EYS: variants seen among roughly 807,000 people sequenced by gnomAD.
The protein encoded by EYS is protein eyes shut homolog.
Under a neutral mutation model 282.1 loss-of-function variants are expected in EYS, and 250 were observed. The observed-to-expected ratio is 0.89, with a 90% confidence interval of 0.80 to 0.98. The LOEUF (loss-of-function observed/expected upper bound fraction) is 0.98, where lower values mean the gene tolerates loss of function less well. Ranked by LOEUF, EYS falls within the 50% of genes least tolerant of loss-of-function variation. EYS has a pLI of 0.00. For synonymous variants in EYS, 1,355 were observed against 1,282.9 expected (o/e 1.06, Z -1.20); for missense variants, 4,016 against 3,709.0 (o/e 1.08, Z -2.15).
rs1473988420 is a variant in EYS at position 64,629,802 on chromosome 6, A to C, written c.3444-3557T>G. Among the ~76,000 whole-genome samples, 8 of 152,314 alleles carry C rather than the reference A, an allele frequency of 5.3e-5. No homozygotes were observed. The East Asian group carries it at 1.5e-3, about 29-fold the overall frequency. ...AAAAATAGTAGAGGGTTTTCTATAG[A>C]GAAAATTATCTTCTACAAAGATAAT... On this transcript the variant is annotated intron_variant, in intron 22 of 42. Coordinates refer to ENST00000503581, the MANE Select transcript of EYS (RefSeq NM_001142800.2).
chr6:64,557,236 A>ACC lies in EYS; in HGVS notation c.5644+32986_5644+32987insGG, dbSNP rs1765262920. ...CACACATACACACACACACACACAC[A>ACC]CACACACACACACACATTTTATTAA... On this transcript the variant is annotated intron_variant, in intron 26 of 42. Coordinates refer to ENST00000503581, the MANE Select transcript of EYS (RefSeq NM_001142800.2). 2.0e-5 allele frequency among the ~76,000 whole-genome samples: 3 copies of ACC among 151,312 alleles called. No homozygotes were observed. The South Asian group carries it at 6.3e-4, about 32-fold the overall frequency.
At chr6:64,763,929 C>T (rs1018952492) in intron 22 of EYS, among the ~76,000 whole-genome samples, 3 of 152,202 alleles carry the variant, frequency 2.0e-5, no homozygotes, top group African/African-American at 4.8e-5. Context: ...CTATGTCTCA[C>T]ATCCAGGGCA....
chr6:64,537,165 A>G (rs1379950798), intron 26 of EYS, among the ~76,000 whole-genome samples: 1 of 68,644 alleles, frequency 1.5e-5, no homozygotes, highest in African/African-American at 5.9e-5. Context: ...CCCTCCCCCC[A>G]CCCCACAACA....
intron 13 of EYS, among the ~76,000 whole-genome samples, chr6:65,044,070 G>A (rs1051699471): frequency 1.3e-5 from 2 of 151,520 alleles, no homozygotes; most frequent in Admixed American, 6.6e-5. Context: ...AATAATAAGA[G>A]CCATGCTAAG....
intron 28 of EYS, among the ~76,000 whole-genome samples, chr6:64,404,093 G>C (rs949344394): frequency 6.6e-6 from 1 of 152,056 alleles, no homozygotes. Context: ...TAAATCCCTA[G>C]TCAGATTAGT....
Position 64,657,377 on chromosome 6 carries a change from G to C in EYS, c.3444-31132C>G, listed in dbSNP as rs1768789988. On this transcript the variant is annotated intron_variant, in intron 22 of 42. Transcript: ENST00000503581. ...ACATTTAGGCTTAATATTGTTACGTGTGAATTTGATTCTGTCATTATGATG... is the reference window on the plus strand; with the variant it reads ...ACATTTAGGCTTAATATTGTTACGTCTGAATTTGATTCTGTCATTATGATG... Among the ~76,000 whole-genome samples the C allele has an allele frequency of 2.0e-5, 3 of 152,156 alleles. No homozygotes were observed. In the South Asian group the frequency reaches 6.2e-4, roughly 32 times the overall value.
At chr6:64,142,902 G>A (rs754023093) in intron 31 of EYS, among the ~76,000 whole-genome samples, 1 of 152,148 alleles carries the variant, frequency 6.6e-6, no homozygotes, top group Non-Finnish European at 1.5e-5. Context: ...GTGTTTCTGA[G>A]GAGGATTGGT....
rs147612771 is a variant in EYS, at chr6:64,218,653, T to C, written c.6424+11939A>G. Among the ~76,000 whole-genome samples, 132 of 152,354 alleles carry C rather than the reference T, an allele frequency of 8.7e-4. 1 individual carries two copies. Among genetic ancestry groups the C allele is most frequent in the African/African-American group, 3.1e-3 (127 of 41,580 alleles). ...ACTGAATAAAATCTGTTTTCACTGC[T>C]TTAAGTAATGTCTAGCCTTGTTTGC... On this transcript the variant is annotated intron_variant, in intron 31 of 42. Coordinates refer to ENST00000503581, the MANE Select transcript of EYS (RefSeq NM_001142800.2).
At position 65,614,439 on chromosome 6, in the gene EYS, T is replaced by A. The variant is rs115946117; in HGVS notation, c.-333+25339A>T. Among the ~76,000 whole-genome samples, 1,445 of 151,668 alleles carry A rather than the reference T, an allele frequency of 9.5e-3. 16 individuals are homozygous for A. Among genetic ancestry groups the A allele is most frequent in the Non-Finnish European group, 0.012 (838 of 67,876 alleles). ...CAGAAAAGTTCACCACCTAGCAATA[T>A]CTATGCCTGTGAAAGGATCCAGAAT... On this transcript the variant is annotated intron_variant, in intron 2 of 42. Transcript: ENST00000503581.
intron 2 of EYS, among the ~76,000 whole-genome samples, chr6:65,510,107 G>C (rs1175220286): frequency 6.6e-6 from 1 of 150,724 alleles, no homozygotes; most frequent in Non-Finnish European, 1.5e-5. Context: ...TGCCATGCTG[G>C]TGCGCTGCAC....
chr6:64,100,073 T>C (rs536606810), intron 31 of EYS, among the ~76,000 whole-genome samples: 6 of 152,322 alleles, frequency 3.9e-5, no homozygotes, highest in African/African-American at 1.4e-4. Context: ...TAAATGAAGG[T>C]TTACCTGTGC....
At chr6:65,623,584 G>A (rs1766597176) in intron 2 of EYS, among the ~76,000 whole-genome samples, 1 of 151,688 alleles carries the variant, frequency 6.6e-6, no homozygotes, top group Non-Finnish European at 1.5e-5. Context: ...TACATAATAG[G>A]TATTCAGTAA....
intron 26 of EYS, among the ~76,000 whole-genome samples, chr6:64,440,246 G>C (rs1774894317): frequency 6.6e-6 from 1 of 151,780 alleles, no homozygotes; most frequent in Admixed American, 6.6e-5. Context: ...TTTCGAATCT[G>C]TACTTTAAAA....
At chr6:64,779,165 T>C (rs1387463524) in intron 22 of EYS, among the ~76,000 whole-genome samples, 2 of 152,128 alleles carry the variant, frequency 1.3e-5, no homozygotes, top group Non-Finnish European at 2.9e-5. Flanking sequence ...AAATTGAAAA[T>C]TTGTGTACAC....
chr6:63,916,713 G>A (rs1764432163), intron 35 of EYS, among the ~76,000 whole-genome samples: 1 of 152,122 alleles, frequency 6.6e-6, no homozygotes, highest in Admixed American at 6.5e-5. Flanking sequence ...AAACACAAAT[G>A]TTTTAAATTT....
At chr6:65,515,469 C>T (rs1160297604) in intron 2 of EYS, among the ~76,000 whole-genome samples, 2 of 151,090 alleles carry the variant, frequency 1.3e-5, no homozygotes, top group African/African-American at 4.8e-5. Context: ...ATAAATCATG[C>T]TGCTATAAAG....
chr6:64,826,107 C>T (rs1765048829), intron 19 of EYS, among the ~76,000 whole-genome samples: 1 of 151,752 alleles, frequency 6.6e-6, no homozygotes, highest in Non-Finnish European at 1.5e-5. Context: ...TCCTACTGGT[C>T]ATTAATTTAT....
chr6:63,775,812 G>T (rs1197961717), intron 40 of EYS, among the ~76,000 whole-genome samples: 3 of 152,076 alleles, frequency 2.0e-5, no homozygotes, highest in Admixed American at 6.6e-5. Flanking sequence ...GTGAATGGGA[G>T]ACTTAATATT....
At chr6:65,073,251 T>A (rs558352104) in intron 12 of EYS, among the ~76,000 whole-genome samples, 1 of 151,910 alleles carries the variant, frequency 6.6e-6, no homozygotes, top group South Asian at 2.1e-4. Flanking sequence ...GAAAAAATGA[T>A]ATATTTAAAT....
Sources: allele counts gnomAD v4.1 joint callset (sites outside exome capture counted in the v4.1 genomes callset), GRCh38; gene constraint gnomAD v4.1.1; transcripts MANE v1.5; gene names NCBI Gene and HGNC (gene_info 2026-07-23, HGNC 2026-07-21).